Variants in TNKS observed in about 807,000 individuals in gnomAD.
TNKS encodes poly [ADP-ribose] polymerase tankyrase-1.
A neutral mutation model predicts 135.8 loss-of-function variants in TNKS; 72 were observed. The observed-to-expected ratio is 0.53, with a 90% CI of 0.44 to 0.64. TNKS has a LOEUF of 0.64. Ranked by LOEUF, TNKS falls within the 30% of genes least tolerant of loss-of-function variation. TNKS has a pLI of 0.00. For missense variants in TNKS, 1,769 were observed against 1,674.0 expected, an observed-to-expected ratio of 1.06 and a Z score of -0.99; for synonymous variants, 849 against 649.3, an observed-to-expected ratio of 1.31 and a Z score of -4.68.
intron 3 of TNKS, among the ~76,000 whole-genome samples, chr8:9,644,784 A>G (rs1800854935): frequency 6.6e-6 from 1 of 152,170 alleles, no homozygotes; most frequent in Admixed American, 6.5e-5. Context: ...TTTTTACTAT[A>G]TGATGGTGCA....
intron 3 of TNKS, among the ~76,000 whole-genome samples, chr8:9,677,070 G>A (rs1802572139): frequency 6.6e-6 from 1 of 152,194 alleles, no homozygotes. Context: ...TTTGTTATCA[G>A]AGTGTGAGGG....
chr8:9,724,308 C>T (rs538675282), intron 12 of TNKS, among the ~76,000 whole-genome samples: 1 of 152,116 alleles, frequency 6.6e-6, no homozygotes, highest in East Asian at 1.9e-4. Context: ...TAAAAATTAG[C>T]CGGGTATGGT....
chr8:9,580,124 A>G (rs565267479), intron 1 of TNKS, 35 bp from the exon 2 acceptor site: 8 of 1,573,590 alleles, frequency 5.1e-6, no homozygotes, highest in Non-Finnish European at 7.0e-6. Flanking sequence ...ACAAAATCAA[A>G]TATATATACA....
chr8:9,606,415 C>G (rs921862368), intron 2 of TNKS, among the ~76,000 whole-genome samples: 5 of 151,904 alleles, frequency 3.3e-5, no homozygotes, highest in African/African-American at 1.2e-4. Flanking sequence ...TGCAGAAGTC[C>G]TATTATATCT....
At chr8:9,658,756 G>T (rs1801548794) in intron 3 of TNKS, among the ~76,000 whole-genome samples, 1 of 152,074 alleles carries the variant, frequency 6.6e-6, no homozygotes, top group African/African-American at 2.4e-5. Context: ...AATATAAATG[G>T]GCTAAATGCT....
chr8:9,751,933 C>G, intron 19 of TNKS, 87 bp downstream of exon 19: 2 of 1,188,708 alleles, frequency 1.7e-6, no homozygotes, highest in Non-Finnish European at 2.4e-6. Flanking sequence ...TATTGAATGC[C>G]TCAATTAGAG....
Position 9,567,565 on chromosome 8 carries a change from G to A in TNKS, c.673+10953G>A, listed in dbSNP as rs368113493. Among the ~76,000 whole-genome samples, 874 of 152,192 alleles carry A rather than the reference G, an allele frequency of 5.7e-3. 12 individuals are homozygous for A. The highest frequency in any genetic ancestry group is 0.019 in the African/African-American group (806 of 41,512). On this transcript the variant is annotated intron_variant, in intron 1 of 26. Transcript: ENST00000310430. ...CGAGTAGCTGGGACTACAGGCGCCCGCCACCACGCCCGGCTAATTTTTTTT... is the reference window on the plus strand; with the variant it reads ...CGAGTAGCTGGGACTACAGGCGCCCACCACCACGCCCGGCTAATTTTTTTT...
chr8:9,616,257 C>T (rs763667111), intron 3 of TNKS, among the ~76,000 whole-genome samples: 16 of 152,086 alleles, frequency 1.1e-4, no homozygotes, highest in Non-Finnish European at 1.8e-4. Flanking sequence ...AAGCAAATGC[C>T]AAGAACCAGC....
rs1807975066 is a variant in TNKS at position 9,772,565 on chromosome 8, A to ACCTTCTGCCCCCAACT, written c.3897+2304_3897+2319dup. The stretch of plus-strand genomic sequence containing the variant: ...CCCAAGAGACATGAAAACGAAGTTA[A>ACCTTCTGCCCCCAACT]CCTTCTGCCCCCAACTGCATCCAGT... On this transcript the variant is annotated intron_variant, in intron 26 of 26. Coordinates refer to ENST00000310430, the MANE Select transcript of TNKS (RefSeq NM_003747.3). 46 of 369,606 alleles carry ACCTTCTGCCCCCAACT rather than the reference A, an allele frequency of 1.2e-4. 2 individuals are homozygous for ACCTTCTGCCCCCAACT. Among genetic ancestry groups the ACCTTCTGCCCCCAACT allele is most frequent in the South Asian group, 9.8e-4 (46 of 46,840 alleles). 22.9% of individuals were successfully genotyped at this position (369,606 alleles called of 1,614,324 possible).
chr8:9,671,887 A>T (rs1802284145), intron 3 of TNKS, among the ~76,000 whole-genome samples: 1 of 152,196 alleles, frequency 6.6e-6, no homozygotes, highest in Admixed American at 6.5e-5. Flanking sequence ...TGAAATAAAC[A>T]ATTTATAAGT....
chr8:9,627,139 A>G (rs1197018735), intron 3 of TNKS, among the ~76,000 whole-genome samples: 1 of 152,156 alleles, frequency 6.6e-6, no homozygotes, highest in Non-Finnish European at 1.5e-5. Flanking sequence ...GAGTTTGGAG[A>G]GCTTCCAGAG....
At position 9,638,985 on chromosome 8, in the gene TNKS, A is replaced by T. The variant is rs1800624460; in HGVS notation, c.994+23308A>T. ...TGGAAGTGAGGATGGGGGTGTCTTG[A>T]AAATTGTATTAACAGAGTTTTCCCT... On this transcript the variant is annotated intron_variant, in intron 3 of 26. Coordinates refer to ENST00000310430, the MANE Select transcript of TNKS (RefSeq NM_003747.3). 2.6e-5 allele frequency among the ~76,000 whole-genome samples: 4 copies of T among 152,200 alleles called. No individual in the cohort carries two copies. The South Asian group carries it at 8.3e-4, about 31-fold the overall frequency.
At chr8:9,736,135 C>G (rs1394436988) in intron 17 of TNKS, among the ~76,000 whole-genome samples, 3 of 149,562 alleles carry the variant, frequency 2.0e-5, no homozygotes, top group Non-Finnish European at 4.4e-5. Flanking sequence ...TTAATTCTAC[C>G]TCAAGTATAT....
At chr8:9,694,059 A>C (rs572157398) in intron 5 of TNKS, among the ~76,000 whole-genome samples, 1 of 152,288 alleles carries the variant, frequency 6.6e-6, no homozygotes, top group East Asian at 1.9e-4. Context: ...ACTGTATGTC[A>C]CAGTTTAGAG....
chr8:9,740,828 T>TTTTTG (rs1805910939), intron 17 of TNKS: 1 of 137,802 alleles, frequency 7.3e-6, no homozygotes, highest in Non-Finnish European at 1.6e-5. Context: ...TTCTTGTTGT[T>TTTTTG]TTTTTTTTTT....
intron 3 of TNKS, among the ~76,000 whole-genome samples, chr8:9,669,585 A>G (rs1006791399): frequency 6.6e-6 from 1 of 152,338 alleles, no homozygotes; most frequent in East Asian, 1.9e-4. Flanking sequence ...AAAAATATTT[A>G]CATTTATATT....
chr8:9,609,033 A>G (rs1799342914), intron 2 of TNKS, among the ~76,000 whole-genome samples: 1 of 152,146 alleles, frequency 6.6e-6, no homozygotes. Context: ...TTTTATTTCT[A>G]AAAGTTCTGT....
intron 26 of TNKS, among the ~76,000 whole-genome samples, chr8:9,774,732 T>G (rs771989457): frequency 9.2e-5 from 14 of 152,148 alleles, no homozygotes; most frequent in Non-Finnish European, 1.5e-4. Flanking sequence ...ACTCATGCCA[T>G]TAGAATCTTA....
At chr8:9,623,112 G>A (rs1013740822) in intron 3 of TNKS, among the ~76,000 whole-genome samples, 1 of 152,134 alleles carries the variant, frequency 6.6e-6, no homozygotes, top group African/African-American at 2.4e-5. Context: ...TTCAGACTGT[G>A]GTTGACCGGG....
Sources: gnomAD v4.1 joint callset for allele counts (sites outside exome capture counted in the v4.1 genomes callset) on GRCh38, gnomAD v4.1.1 for gene constraint, MANE v1.5 for transcripts, NCBI Gene and HGNC (gene_info 2026-07-23, HGNC 2026-07-21) for gene names.